KCNIP4: variants seen among roughly 807,000 people sequenced by gnomAD.
KCNIP4 encodes the protein Kv channel-interacting protein 4.
In KCNIP4, 12 loss-of-function variants were observed where a neutral mutation model predicts 34.0. The observed-to-expected ratio is 0.35, with a 90% CI of 0.23 to 0.57. The LOEUF is 0.57. Ranked by LOEUF, KCNIP4 falls within the 20% of genes least tolerant of loss-of-function variation. The pLI, the probability that KCNIP4 is intolerant of heterozygous loss-of-function variation, is 0.83. For missense variants in KCNIP4, 238 were observed against 311.7 expected, an observed-to-expected ratio of 0.76 and a Z score of 1.78; for synonymous variants, 124 against 102.2, an observed-to-expected ratio of 1.21 and a Z score of -1.29.
intron 1 of KCNIP4, among the ~76,000 whole-genome samples, chr4:20,951,822 TTCAAAATGACCAG>T (rs1430274919): frequency 2.0e-5 from 3 of 152,196 alleles, no homozygotes; most frequent in African/African-American, 7.2e-5. Flanking sequence ...ACAATAGATT[TTCAAAATGACCAG>T]TCAAAAACCA....
At chr4:21,863,536 G>C (rs538350038) in intron 1 of KCNIP4, among the ~76,000 whole-genome samples, 8 of 152,250 alleles carry the variant, frequency 5.3e-5, no homozygotes, top group Non-Finnish European at 1.0e-4. Flanking sequence ...GGAAGGTATT[G>C]CTTCTCTTTT....
intron 1 of KCNIP4, among the ~76,000 whole-genome samples, chr4:21,665,050 T>C (rs1748736921): frequency 6.6e-6 from 1 of 152,204 alleles, no homozygotes; most frequent in Non-Finnish European, 1.5e-5. Context: ...TATAGTATTT[T>C]TGGTGAAGAT....
intron 1 of KCNIP4, among the ~76,000 whole-genome samples, chr4:21,873,326 C>T (rs1038140319): frequency 2.0e-5 from 3 of 152,188 alleles, no homozygotes; most frequent in African/African-American, 7.2e-5. Flanking sequence ...AACCACTCAG[C>T]TGACCCACAG....
intron 1 of KCNIP4, among the ~76,000 whole-genome samples, chr4:20,924,476 C>T (rs569342260): frequency 5.9e-4 from 90 of 152,254 alleles, no homozygotes; most frequent in African/African-American, 2.0e-3. Flanking sequence ...TTAATAGAGT[C>T]TATTTCAATA....
intron 5 of KCNIP4, among the ~76,000 whole-genome samples, chr4:20,738,611 T>C (rs1750274701): frequency 6.6e-6 from 1 of 152,172 alleles, no homozygotes; most frequent in Non-Finnish European, 1.5e-5. Context: ...AAGATAGCAC[T>C]TTTGGGGAAT....
chr4:21,033,957 G>A (rs2149768155), intron 1 of KCNIP4, among the ~76,000 whole-genome samples: 1 of 152,194 alleles, frequency 6.6e-6, no homozygotes, highest in African/African-American at 2.4e-5. Context: ...ATGAATTTAT[G>A]TTAAAAATAT....
At chr4:21,418,740 T>C (rs990214854) in intron 1 of KCNIP4, among the ~76,000 whole-genome samples, 7 of 152,142 alleles carry the variant, frequency 4.6e-5, no homozygotes, top group African/African-American at 1.7e-4. Context: ...CTCTCTGCCT[T>C]TACACTTTTG....
At chr4:20,733,166 A>G (rs1748754082) in intron 6 of KCNIP4, among the ~76,000 whole-genome samples, 1 of 152,190 alleles carries the variant, frequency 6.6e-6, no homozygotes, top group African/African-American at 2.4e-5. Flanking sequence ...TGAGAATCAA[A>G]TATACGGCAC....
intron 1 of KCNIP4, among the ~76,000 whole-genome samples, chr4:20,887,491 A>G (rs768487725): frequency 6.6e-6 from 1 of 152,036 alleles, no homozygotes; most frequent in Admixed American, 6.6e-5. Context: ...AAGGCTTTAA[A>G]ATGAAAAGAG....
intron 1 of KCNIP4, among the ~76,000 whole-genome samples, chr4:21,097,202 A>G (rs1361204476): frequency 2.6e-5 from 4 of 152,166 alleles, no homozygotes; most frequent in Admixed American, 1.3e-4. Context: ...CCAAATGTCC[A>G]TCAGTGAGTG....
At chr4:21,533,129 T>G (rs553634960) in intron 1 of KCNIP4, among the ~76,000 whole-genome samples, 1 of 152,072 alleles carries the variant, frequency 6.6e-6, no homozygotes, top group South Asian at 2.1e-4. Flanking sequence ...GAGAGCCAAT[T>G]ATTGATGTTT....
At chr4:21,359,509 A>G (rs2109401989) in intron 1 of KCNIP4, among the ~76,000 whole-genome samples, 1 of 152,180 alleles carries the variant, frequency 6.6e-6, no homozygotes, top group East Asian at 1.9e-4. Flanking sequence ...AGAGTAAGAA[A>G]GGCCATAAGT....
chr4:21,474,732 C>T (rs1054575577), intron 1 of KCNIP4, among the ~76,000 whole-genome samples: 5 of 151,538 alleles, frequency 3.3e-5, no homozygotes, highest in African/African-American at 1.2e-4. Context: ...CGCGGTGGCT[C>T]ACGCCTGTAA....
intron 2 of KCNIP4, among the ~76,000 whole-genome samples, chr4:20,873,193 C>T (rs867958516): frequency 5.9e-5 from 9 of 152,142 alleles, no homozygotes; most frequent in Non-Finnish European, 1.3e-4. Flanking sequence ...AGACACTAAG[C>T]TTTGGTATTA....
At chr4:21,364,845 C>T (rs73249557) in intron 1 of KCNIP4, among the ~76,000 whole-genome samples, 5,722 of 152,172 alleles carry the variant, frequency 0.038, 160 homozygotes, top group Middle Eastern at 0.079. Flanking sequence ...TTGTTAGAGG[C>T]AACTATCTTA....
chr4:21,880,890 T>A (rs911792765), intron 1 of KCNIP4, among the ~76,000 whole-genome samples: 2 of 152,222 alleles, frequency 1.3e-5, no homozygotes, highest in African/African-American at 4.8e-5. Context: ...TTACTTCTTA[T>A]GTGGATTTGT....
At chr4:20,926,197 G>T (rs1034375666) in intron 1 of KCNIP4, among the ~76,000 whole-genome samples, 3 of 152,220 alleles carry the variant, frequency 2.0e-5, no homozygotes, top group African/African-American at 7.2e-5. Flanking sequence ...TATCTGTTTA[G>T]CTGTTTCAGG....
intron 3 of KCNIP4, among the ~76,000 whole-genome samples, chr4:20,808,009 T>C (rs1488501083): frequency 6.6e-6 from 1 of 152,120 alleles, no homozygotes; most frequent in Non-Finnish European, 1.5e-5. Context: ...TTAGAGAACT[T>C]GAGAGTATGG....
intron 1 of KCNIP4, among the ~76,000 whole-genome samples, chr4:21,311,147 A>T (rs1713113797): frequency 6.6e-6 from 1 of 152,126 alleles, no homozygotes; most frequent in Admixed American, 6.5e-5. Context: ...TGTTATTGTT[A>T]TTTATTGAGC....
Sources: allele counts gnomAD v4.1 joint callset (sites outside exome capture counted in the v4.1 genomes callset), GRCh38; gene constraint gnomAD v4.1.1; transcripts MANE v1.5; gene names NCBI Gene and HGNC (gene_info 2026-07-23, HGNC 2026-07-21).